Variants in PCDH9 observed in about 807,000 individuals in gnomAD.
PCDH9 encodes the protein protocadherin 9.
In PCDH9, 24 loss-of-function variants were observed where a neutral mutation model predicts 70.6. The observed-to-expected ratio is 0.34, with a 90% CI of 0.25 to 0.48. The LOEUF (loss-of-function observed/expected upper bound fraction) is 0.48. Ranked by LOEUF, PCDH9 falls within the 20% of genes least tolerant of loss-of-function variation. The pLI, the probability that PCDH9 is intolerant of heterozygous loss-of-function variation, is 0.99. For synonymous variants in PCDH9, 562 were observed against 558.5 expected (o/e 1.01, Z -0.09); for missense variants, 1,281 against 1,503.6 (o/e 0.85, Z 2.45).
At chr13:66,496,716 T>A (rs138146498) in intron 4 of PCDH9, among the ~76,000 whole-genome samples, 1 of 152,190 alleles carries the variant, frequency 6.6e-6, no homozygotes, top group South Asian at 2.1e-4. Context: ...CACATACTTG[T>A]ACCAACAATT....
At chr13:66,738,246 C>A (rs906543547) in intron 3 of PCDH9, among the ~76,000 whole-genome samples, 1 of 150,940 alleles carries the variant, frequency 6.6e-6, no homozygotes, top group Non-Finnish European at 1.5e-5. Context: ...ACACCTCACA[C>A]GGCAGGGTAT....
intron 2 of PCDH9, among the ~76,000 whole-genome samples, chr13:67,064,933 TAGATA>T (rs2138137754): frequency 6.7e-6 from 1 of 149,602 alleles, no homozygotes; most frequent in South Asian, 2.2e-4. Flanking sequence ...GATAGATAGA[TAGATA>T]GCAGAGAGGT....
intron 3 of PCDH9, among the ~76,000 whole-genome samples, chr13:66,885,667 T>C (rs2081993098): frequency 6.6e-6 from 1 of 152,166 alleles, no homozygotes; most frequent in Non-Finnish European, 1.5e-5. Flanking sequence ...TCTAAGATGC[T>C]TTTAGTTTAA....
chr13:66,669,219 C>A lies in PCDH9; in HGVS notation c.3139-37808G>T, dbSNP rs563212617. Among the ~76,000 whole-genome samples, 14 of 152,258 alleles carry A rather than the reference C, an allele frequency of 9.2e-5. No homozygotes were observed. In the East Asian group the frequency reaches 2.3e-3, roughly 25 times the overall value. On this transcript the variant is annotated intron_variant, in intron 3 of 4. Transcript: ENST00000377865. ...AGACACAAAGAATAAAAACGTAAAG[C>A]TAACGCTACCTATCTCCTAATTTCT... is the stretch of plus-strand genomic sequence containing the variant.
At chr13:66,551,413 G>T (rs1961483618) in intron 4 of PCDH9, among the ~76,000 whole-genome samples, 1 of 152,092 alleles carries the variant, frequency 6.6e-6, no homozygotes, top group Non-Finnish European at 1.5e-5. Context: ...TCTCTCCTCT[G>T]TTAAAAAGAA....
chr13:66,618,373 A>C (rs2077384345), intron 4 of PCDH9, among the ~76,000 whole-genome samples: 1 of 152,122 alleles, frequency 6.6e-6, no homozygotes, highest in Admixed American at 6.5e-5. Context: ...ATTCTCAATC[A>C]CTGGCAGAAA....
intron 3 of PCDH9, among the ~76,000 whole-genome samples, chr13:66,655,967 G>A (rs1454930248): frequency 1.5e-4 from 23 of 152,176 alleles, no homozygotes; most frequent in Admixed American, 1.5e-3. Context: ...CTATAGAGCT[G>A]AAGTAATTGC....
At chr13:66,758,281 C>T (rs1436309376) in intron 3 of PCDH9, among the ~76,000 whole-genome samples, 1 of 151,974 alleles carries the variant, frequency 6.6e-6, no homozygotes, top group Non-Finnish European at 1.5e-5. Context: ...TGCAATAGAT[C>T]TCTTAAACTG....
chr13:67,210,778 A>G (rs1475725807), intron 2 of PCDH9: 1 of 152,062 alleles, frequency 6.6e-6, no homozygotes. Context: ...CACTTTTTAA[A>G]ATGGGAAAAT....
intron 2 of PCDH9, among the ~76,000 whole-genome samples, chr13:67,082,840 T>A (rs577195737): frequency 6.6e-6 from 1 of 152,304 alleles, no homozygotes; most frequent in Non-Finnish European, 1.5e-5. Context: ...TACGAATTTG[T>A]AAAGGATAGA....
At chr13:66,733,604 T>C in intron 3 of PCDH9, among the ~76,000 whole-genome samples, 1 of 151,918 alleles carries the variant, frequency 6.6e-6, no homozygotes, top group African/African-American at 2.4e-5. Context: ...TTAAGTGGCA[T>C]CCAAACATTT....
At chr13:66,947,739 T>G (rs1200920669) in intron 2 of PCDH9, among the ~76,000 whole-genome samples, 4 of 152,084 alleles carry the variant, frequency 2.6e-5, no homozygotes. Flanking sequence ...TGCTAATAAC[T>G]TGGATATGTT....
At chr13:66,871,049 T>C (rs1182499133) in intron 3 of PCDH9, among the ~76,000 whole-genome samples, 3 of 152,124 alleles carry the variant, frequency 2.0e-5, no homozygotes, top group Non-Finnish European at 4.4e-5. Context: ...CATGGAATAC[T>C]ATGCAGCCAT....
chr13:67,158,535 A>T (rs2087872071), intron 2 of PCDH9, among the ~76,000 whole-genome samples: 1 of 152,170 alleles, frequency 6.6e-6, no homozygotes, highest in Non-Finnish European at 1.5e-5. Context: ...GTGCCCCTAT[A>T]TGAAAAAGTA....
intron 4 of PCDH9, among the ~76,000 whole-genome samples, chr13:66,457,933 C>T (rs994911008): frequency 6.6e-6 from 1 of 151,930 alleles, no homozygotes; most frequent in Non-Finnish European, 1.5e-5. Flanking sequence ...TCATCCTGCT[C>T]TCAGGTTTGC....
At chr13:66,931,290 T>C (rs548128730) in intron 2 of PCDH9, among the ~76,000 whole-genome samples, 5 of 152,244 alleles carry the variant, frequency 3.3e-5, no homozygotes, top group African/African-American at 9.6e-5. Context: ...AGCCATATGA[T>C]AGTAAAAAAT....
chr13:67,014,734 C>T (rs1402958802), intron 2 of PCDH9, among the ~76,000 whole-genome samples: 1 of 151,878 alleles, frequency 6.6e-6, no homozygotes, highest in Non-Finnish European at 1.5e-5. Flanking sequence ...TGTTTTTGAT[C>T]TCCTACCCCT....
At chr13:66,935,709 A>G (rs2082905047) in intron 2 of PCDH9, among the ~76,000 whole-genome samples, 1 of 152,196 alleles carries the variant, frequency 6.6e-6, no homozygotes, top group African/African-American at 2.4e-5. Flanking sequence ...AAACAAAAAT[A>G]CATGTTAAAT....
At chr13:66,636,193 A>T (rs1490183807) in intron 3 of PCDH9, among the ~76,000 whole-genome samples, 1 of 152,150 alleles carries the variant, frequency 6.6e-6, no homozygotes, top group Non-Finnish European at 1.5e-5. Context: ...TTTTGACCAC[A>T]CTAAAATTTC....
Sources: gnomAD v4.1 joint callset for allele counts (sites outside exome capture counted in the v4.1 genomes callset) on GRCh38, gnomAD v4.1.1 for gene constraint, MANE v1.5 for transcripts, NCBI Gene and HGNC (gene_info 2026-07-23, HGNC 2026-07-21) for gene names.